Variants in PDE1C observed in about 807,000 individuals in gnomAD.
PDE1C encodes phosphodiesterase 1C.
PDE1C carries 62 observed loss-of-function variants against 93.1 expected under a neutral mutation model. The ratio of observed to expected loss-of-function variants is 0.67; its 90% confidence interval spans 0.54 to 0.82. The LOEUF (loss-of-function observed/expected upper bound fraction) is 0.82. Ranked by LOEUF, PDE1C falls within the 40% of genes least tolerant of loss-of-function variation. The pLI is 0.00. For missense variants in PDE1C, 742 were observed against 884.6 expected, an observed-to-expected ratio of 0.84 and a Z score of 2.04; for synonymous variants, 325 against 310.1, an observed-to-expected ratio of 1.05 and a Z score of -0.50.
chr7:32,102,981 T>C (rs1017674508), intron 3 of PDE1C, among the ~76,000 whole-genome samples: 4 of 152,098 alleles, frequency 2.6e-5, no homozygotes, highest in Admixed American at 1.3e-4. Flanking sequence ...TTCTATTCAA[T>C]AGAGAGAGAG....
At chr7:31,765,250 C>G (rs1047049667) in intron 17 of PDE1C, among the ~76,000 whole-genome samples, 2 of 152,100 alleles carry the variant, frequency 1.3e-5, no homozygotes, top group African/African-American at 4.8e-5. Context: ...CCTGTGACTT[C>G]ATGATTTAAT....
At chr7:31,627,369 A>G in the PDE1C span, among the ~76,000 whole-genome samples, 11 of 152,210 alleles carry the variant, frequency 7.2e-5, no homozygotes, top group Admixed American at 2.6e-4. Flanking sequence ...ATCAAAATGT[A>G]AGTGAAGACC....
rs1488875308 is a variant in PDE1C, at chr7:32,237,740, GTGTATA to G, written c.86-28207_86-28202del. Among the ~76,000 whole-genome samples the G allele has an allele frequency of 1.8e-4, 12 of 65,182 alleles. No homozygotes were observed. The East Asian group carries it at 2.8e-3, about 15-fold the overall frequency. The allele number at this position is 65,182 out of a possible 152,430, so 42.8% of individuals were successfully genotyped here. ...ATAGCCACTATCCGCACTTGGCTCT[GTGTATA>G]TATATATATATATATACTTTTTTTT... On this transcript the variant is annotated intron_variant, in intron 1 of 18. Transcript: ENST00000396193.
At chr7:31,718,011 G>C in the PDE1C span, among the ~76,000 whole-genome samples, 1 of 152,034 alleles carries the variant, frequency 6.6e-6, no homozygotes, top group Non-Finnish European at 1.5e-5. Flanking sequence ...TATGAGAGTA[G>C]GTGAAATAGC....
In PDE1C at chr7:32,359,975, C is replaced by A. The variant is rs112401108; in HGVS notation, c.310+67847G>T. 8.2e-4 allele frequency among the ~76,000 whole-genome samples: 125 copies of A among 152,282 alleles called. 1 individual carries two copies. The highest frequency in any genetic ancestry group is 3.0e-3 in the African/African-American group (123 of 41,552). On this transcript the variant is annotated intron_variant, in intron 1 of 1. Coordinates refer to the PDE1C transcript ENST00000672256. Reference sequence around the variant, plus strand: ...GACTCCTCCTATAATTACAGATGGGCTACATTTGCATTTATTTTAAACCAA... The same window carrying A: ...GACTCCTCCTATAATTACAGATGGGATACATTTGCATTTATTTTAAACCAA...
chr7:32,251,646 TGC>T (rs1809388703), intron 1 of PDE1C, among the ~76,000 whole-genome samples: 1 of 152,154 alleles, frequency 6.6e-6, no homozygotes, highest in African/African-American at 2.4e-5. Flanking sequence ...CCCCTGCACC[TGC>T]ACAGTGCCTG....
At chr7:31,904,811 T>C (rs1477461056) in intron 2 of PDE1C, among the ~76,000 whole-genome samples, 1 of 152,194 alleles carries the variant, frequency 6.6e-6, no homozygotes, top group Non-Finnish European at 1.5e-5. Context: ...TTGGATCCTC[T>C]GTCAATCAAC....
At chr7:31,874,016 A>C (rs1199936990) in intron 5 of PDE1C, among the ~76,000 whole-genome samples, 1 of 152,224 alleles carries the variant, frequency 6.6e-6, no homozygotes, top group African/African-American at 2.4e-5. Flanking sequence ...TAGAACACAA[A>C]ACAATATGCC....
chr7:32,092,457 A>T lies in PDE1C; in HGVS notation c.308+77328T>A, dbSNP rs1797523171. 2.6e-5 allele frequency among the ~76,000 whole-genome samples: 4 copies of T among 152,126 alleles called. No individual in the cohort carries two copies. The South Asian group carries it at 8.3e-4, about 32-fold the overall frequency. ...GACTTCCCAGTGACCCAAATCTGAC[A>T]CCAAGATTGAGAGGCCAGGGCTCCT... is the stretch of plus-strand genomic sequence containing the variant. On this transcript the variant is annotated intron_variant, in intron 3 of 18. Coordinates refer to the PDE1C transcript ENST00000396193.
intron 1 of PDE1C, among the ~76,000 whole-genome samples, chr7:32,312,327 TGCCCAA>T (rs201032612): frequency 0.021 from 3,188 of 151,900 alleles, 49 homozygotes; most frequent in South Asian, 0.074. Context: ...ATGGCCATAC[TGCCCAA>T]GGTAATTTAT....
At chr7:32,396,355 G>A (rs1376391211) in intron 1 of PDE1C, among the ~76,000 whole-genome samples, 2 of 152,124 alleles carry the variant, frequency 1.3e-5, no homozygotes, top group African/African-American at 4.8e-5. Flanking sequence ...GTGCGTGCCT[G>A]TAGTCCCAGC....
At chr7:31,953,188 T>C (rs993821718) in intron 2 of PDE1C, among the ~76,000 whole-genome samples, 4 of 152,180 alleles carry the variant, frequency 2.6e-5, no homozygotes, top group Admixed American at 6.5e-5. Flanking sequence ...AATTGTATCT[T>C]TAACCAAACT....
intron 2 of PDE1C, among the ~76,000 whole-genome samples, chr7:31,955,700 C>T (rs1162385137): frequency 3.9e-5 from 6 of 152,130 alleles, no homozygotes; most frequent in African/African-American, 1.2e-4. Context: ...GCATCCTACC[C>T]AACTATCTCA....
the PDE1C span, chr7:31,655,788 G>A: frequency 1.0e-6 from 1 of 985,594 alleles, no homozygotes; most frequent in Non-Finnish European, 1.2e-6. Flanking sequence ...CCCAGGTTGG[G>A]CTTTTGACCT....
chr7:32,146,443 A>G (rs1029548), intron 3 of PDE1C, among the ~76,000 whole-genome samples: 77,624 of 151,918 alleles, frequency 0.51, 20,072 homozygotes, highest in Middle Eastern at 0.65. Flanking sequence ...TCCTTGGCTC[A>G]TGGCCCCTTC....
At chr7:31,643,373 A>G in the PDE1C span, 1 of 1,613,974 alleles carries the variant, frequency 6.2e-7, no homozygotes, top group Admixed American at 1.7e-5. Context: ...CCCCACCTCC[A>G]TAAACTGCCT....
At chr7:32,313,475 T>C (rs1783099339) in intron 1 of PDE1C, among the ~76,000 whole-genome samples, 1 of 152,020 alleles carries the variant, frequency 6.6e-6, no homozygotes, top group African/African-American at 2.4e-5. Flanking sequence ...GCAGCACTAT[T>C]CACAATAGCA....
At chr7:31,825,342 T>C (rs1190864599) in intron 12 of PDE1C, among the ~76,000 whole-genome samples, 1 of 152,106 alleles carries the variant, frequency 6.6e-6, no homozygotes, top group Non-Finnish European at 1.5e-5. Context: ...GAGAGGAAGA[T>C]GTGGCTATTC....
At chr7:32,042,952 G>T (rs1792041417) in intron 2 of PDE1C, among the ~76,000 whole-genome samples, 1 of 152,214 alleles carries the variant, frequency 6.6e-6, no homozygotes, top group Non-Finnish European at 1.5e-5. Flanking sequence ...CACTGAACCA[G>T]AGAGGAGCAA....
Sources: gnomAD v4.1 joint callset for allele counts (sites outside exome capture counted in the v4.1 genomes callset) on GRCh38, gnomAD v4.1.1 for gene constraint, MANE v1.5 for transcripts, NCBI Gene and HGNC (gene_info 2026-07-23, HGNC 2026-07-21) for gene names.